RUNX1: variants seen among roughly 807,000 people sequenced by gnomAD.
The protein encoded by RUNX1 is runt-related transcription factor 1.
Under a neutral mutation model 42.8 loss-of-function variants are expected in RUNX1, and 19 were observed. The observed-to-expected ratio is 0.44, with a 90% confidence interval of 0.31 to 0.65. The LOEUF (loss-of-function observed/expected upper bound fraction) is 0.65, where lower values mean the gene tolerates loss of function less well. RUNX1 is among the 30% of genes least tolerant of loss of function. The pLI is 0.07. For missense variants in RUNX1, 528 were observed against 672.0 expected (o/e 0.79, Z 2.37); for synonymous variants, 271 against 289.4 (o/e 0.94, Z 0.64).
chr21:34,850,919 C>T (rs1418436581), intron 6 of RUNX1, among the ~76,000 whole-genome samples: 3 of 152,130 alleles, frequency 2.0e-5, no homozygotes. Context: ...CTGAATTATA[C>T]CTGTCCTCTT....
chr21:34,969,499 T>C (rs2146741166), intron 2 of RUNX1, among the ~76,000 whole-genome samples: 1 of 152,272 alleles, frequency 6.6e-6, no homozygotes, highest in South Asian at 2.1e-4. Context: ...AAAAGAACTT[T>C]ATTGCTCAGT....
At chr21:34,861,706 G>A (rs1029903369) in intron 5 of RUNX1, among the ~76,000 whole-genome samples, 1 of 152,062 alleles carries the variant, frequency 6.6e-6, no homozygotes, top group African/African-American at 2.4e-5. Context: ...CAGCCACTTC[G>A]CCAATCCAAG....
At chr21:35,028,995 G>C (rs1207676649) in intron 2 of RUNX1, among the ~76,000 whole-genome samples, 1 of 152,142 alleles carries the variant, frequency 6.6e-6, no homozygotes, top group Non-Finnish European at 1.5e-5. Context: ...GTTCCTTTTT[G>C]TTTAATATAG....
chr21:34,979,075 C>T (rs992210588), intron 2 of RUNX1, among the ~76,000 whole-genome samples: 6 of 152,074 alleles, frequency 3.9e-5, no homozygotes, highest in Admixed American at 1.3e-4. Context: ...ATTTCCATCT[C>T]GCCTGCAACT....
intron 2 of RUNX1, among the ~76,000 whole-genome samples, chr21:34,940,329 C>T (rs1471604635): frequency 1.3e-5 from 2 of 152,170 alleles, no homozygotes; most frequent in African/African-American, 4.8e-5. Flanking sequence ...CCAAGTGGTA[C>T]ACAGCCATTC....
At chr21:34,999,639 T>C (rs925010602) in intron 2 of RUNX1, among the ~76,000 whole-genome samples, 1 of 152,168 alleles carries the variant, frequency 6.6e-6, no homozygotes, top group Non-Finnish European at 1.5e-5. Context: ...GTTCGACATG[T>C]GGGGACCGAG....
chr21:34,882,216 A>G (rs994538198), intron 4 of RUNX1, among the ~76,000 whole-genome samples: 2 of 152,210 alleles, frequency 1.3e-5, no homozygotes, highest in African/African-American at 4.8e-5. Context: ...ATGTTTCTCA[A>G]GATTCCCATT....
At chr21:34,921,932 C>G (rs1165552728) in intron 2 of RUNX1, among the ~76,000 whole-genome samples, 1 of 152,138 alleles carries the variant, frequency 6.6e-6, no homozygotes, top group Non-Finnish European at 1.5e-5. Context: ...CCATACCAGG[C>G]CTACATAATT....
intron 2 of RUNX1, among the ~76,000 whole-genome samples, chr21:35,001,650 C>T (rs975893284): frequency 1.3e-5 from 2 of 152,022 alleles, no homozygotes; most frequent in Non-Finnish European, 2.9e-5. Flanking sequence ...CTAGCCGGAG[C>T]AATTAAGAAA....
chr21:34,930,608 T>C (rs1374898082), intron 2 of RUNX1, among the ~76,000 whole-genome samples: 1 of 151,854 alleles, frequency 6.6e-6, no homozygotes. Flanking sequence ...ATCGTGGAAA[T>C]TTCTGTTGCA....
chr21:34,859,978 T>G (rs1331055363), intron 5 of RUNX1, among the ~76,000 whole-genome samples: 2 of 152,254 alleles, frequency 1.3e-5, no homozygotes, highest in East Asian at 3.8e-4. Flanking sequence ...ATATCCATCT[T>G]TCTCTTCTTA....
chr21:34,946,455 T>C (rs1236311185), intron 2 of RUNX1, among the ~76,000 whole-genome samples: 1 of 152,142 alleles, frequency 6.6e-6, no homozygotes, highest in Non-Finnish European at 1.5e-5. Context: ...GCACTTGCCA[T>C]CCTTCAAGGC....
intron 2 of RUNX1, among the ~76,000 whole-genome samples, chr21:35,027,772 A>G (rs2059247584): frequency 6.6e-6 from 1 of 152,218 alleles, no homozygotes; most frequent in Non-Finnish European, 1.5e-5. Flanking sequence ...TTTCCTATCA[A>G]TGAAACATTT....
chr21:34,912,395 G>C (rs1016884794), intron 2 of RUNX1, among the ~76,000 whole-genome samples: 1 of 151,960 alleles, frequency 6.6e-6, no homozygotes, highest in Non-Finnish European at 1.5e-5. Context: ...GAGGGCTTTA[G>C]AGGTTGCTGC....
intron 6 of RUNX1, among the ~76,000 whole-genome samples, chr21:34,841,231 C>T (rs749503983): frequency 1.3e-5 from 2 of 152,168 alleles, no homozygotes; most frequent in Non-Finnish European, 2.9e-5. Flanking sequence ...AGCTCATGCC[C>T]CTAAGCCTCT....
intron 3 of RUNX1, chr21:34,888,084 C>T: frequency 9.4e-7 from 1 of 1,066,398 alleles, no homozygotes; most frequent in Non-Finnish European, 1.1e-6. Flanking sequence ...CGCAGAGTCA[C>T]ACACATGCAA....
chr21:34,916,037 T>A (rs189542509), intron 2 of RUNX1, among the ~76,000 whole-genome samples: 4 of 152,144 alleles, frequency 2.6e-5, no homozygotes, highest in Non-Finnish European at 5.9e-5. Flanking sequence ...TTTGTGTGTG[T>A]GGGGAAGGGG....
chr21:34,891,082 G>C (rs1454112175), intron 3 of RUNX1, among the ~76,000 whole-genome samples: 1 of 152,144 alleles, frequency 6.6e-6, no homozygotes, highest in East Asian at 1.9e-4. Flanking sequence ...TCTGGGTCTC[G>C]GGCCGCTTGC....
At chr21:34,853,170 A>G (rs1299134805) in intron 6 of RUNX1, among the ~76,000 whole-genome samples, 1 of 152,148 alleles carries the variant, frequency 6.6e-6, no homozygotes, top group Non-Finnish European at 1.5e-5. Flanking sequence ...CAGGTCCCCA[A>G]GTGGACCCTG....
Sources: allele counts gnomAD v4.1 joint callset (sites outside exome capture counted in the v4.1 genomes callset), GRCh38; gene constraint gnomAD v4.1.1; transcripts MANE v1.5; gene names NCBI Gene and HGNC (gene_info 2026-07-23, HGNC 2026-07-21).